NRXN3: variants seen among roughly 807,000 people sequenced by gnomAD.
The protein encoded by NRXN3 is neurexin III.
In NRXN3, 32 loss-of-function variants were observed where a neutral mutation model predicts 137.6. The ratio of observed to expected loss-of-function variants is 0.23; its 90% CI spans 0.18 to 0.31. The LOEUF (loss-of-function observed/expected upper bound fraction) is 0.31, where lower values mean the gene tolerates loss of function less well. Ranked by LOEUF, NRXN3 falls within the 10% of genes least tolerant of loss-of-function variation. The pLI is 1.00. For synonymous variants in NRXN3, 798 were observed against 784.5 expected, an observed-to-expected ratio of 1.02 and a Z score of -0.29; for missense variants, 1,574 against 2,062.5, an observed-to-expected ratio of 0.76 and a Z score of 4.59.
chr14:79,776,312 T>C (rs1038945386), intron 19 of NRXN3, among the ~76,000 whole-genome samples: 3 of 152,216 alleles, frequency 2.0e-5, no homozygotes, highest in African/African-American at 7.2e-5. Context: ...CTGCAGATAG[T>C]ATCTGGCAAG....
chr14:79,070,006 A>T (rs575504769), intron 15 of NRXN3, among the ~76,000 whole-genome samples: 1 of 152,090 alleles, frequency 6.6e-6, no homozygotes, highest in African/African-American at 2.4e-5. Context: ...CTTTCCTTCC[A>T]TCTCTACCTG....
At chr14:78,267,004 A>C (rs967242870) in intron 2 of NRXN3, among the ~76,000 whole-genome samples, 1 of 152,142 alleles carries the variant, frequency 6.6e-6, no homozygotes, top group African/African-American at 2.4e-5. Flanking sequence ...TTGAGCCACT[A>C]TGTTACCCCT....
intron 16 of NRXN3, among the ~76,000 whole-genome samples, chr14:79,531,735 A>G (rs1274936883): frequency 6.6e-6 from 1 of 152,214 alleles, no homozygotes; most frequent in Non-Finnish European, 1.5e-5. Flanking sequence ...CATGATATCC[A>G]GTTTAATACT....
intron 6 of NRXN3, among the ~76,000 whole-genome samples, chr14:78,673,590 A>G: frequency 6.6e-6 from 1 of 152,230 alleles, no homozygotes; most frequent in Non-Finnish European, 1.5e-5. Flanking sequence ...GGCTTAAACA[A>G]CAAACATTTA....
At chr14:79,553,479 T>A (rs2097396469) in intron 16 of NRXN3, among the ~76,000 whole-genome samples, 1 of 152,166 alleles carries the variant, frequency 6.6e-6, no homozygotes, top group Non-Finnish European at 1.5e-5. Flanking sequence ...TACTTATAGC[T>A]ACTTAGTGCA....
chr14:78,301,202 T>C (rs1358470476), intron 4 of NRXN3, among the ~76,000 whole-genome samples: 1 of 152,074 alleles, frequency 6.6e-6, no homozygotes, highest in Non-Finnish European at 1.5e-5. Flanking sequence ...TTGTTTTTCC[T>C]GTATATGTGG....
intron 4 of NRXN3, among the ~76,000 whole-genome samples, chr14:78,441,340 A>G (rs1163341847): frequency 6.6e-6 from 1 of 152,018 alleles, no homozygotes; most frequent in Non-Finnish European, 1.5e-5. Context: ...TTGTTCTTGC[A>G]ATTTCCTTCA....
chr14:78,203,945 T>C (rs906747398), intron 1 of NRXN3, among the ~76,000 whole-genome samples: 4 of 149,218 alleles, frequency 2.7e-5, no homozygotes, highest in Non-Finnish European at 5.9e-5. Context: ...TGTTGTCTGA[T>C]TTTTTTTTCC....
intron 19 of NRXN3, among the ~76,000 whole-genome samples, chr14:79,745,216 C>G (rs912508999): frequency 6.6e-6 from 1 of 152,078 alleles, no homozygotes; most frequent in African/African-American, 2.4e-5. Context: ...CTTCTCTCTG[C>G]CATCCTCAGA....
At chr14:79,144,722 C>T (rs760217961) in intron 15 of NRXN3, among the ~76,000 whole-genome samples, 3 of 152,152 alleles carry the variant, frequency 2.0e-5, no homozygotes, top group Admixed American at 6.5e-5. Context: ...AATGACTTCA[C>T]GTTTATCCTG....
intron 19 of NRXN3, among the ~76,000 whole-genome samples, chr14:79,762,175 G>C (rs145868619): frequency 2.0e-5 from 3 of 151,568 alleles, no homozygotes; most frequent in Admixed American, 1.3e-4. Context: ...AATCAGTCTG[G>C]GTGACTTCAT....
At chr14:79,654,263 T>TCAA (rs1192731376) in intron 16 of NRXN3, among the ~76,000 whole-genome samples, 1 of 151,874 alleles carries the variant, frequency 6.6e-6, no homozygotes, top group African/African-American at 2.4e-5. Context: ...CACTTGTACA[T>TCAA]CAACTATTGA....
At chr14:78,912,027 G>A (rs915632446) in intron 10 of NRXN3, among the ~76,000 whole-genome samples, 11 of 150,792 alleles carry the variant, frequency 7.3e-5, no homozygotes, top group African/African-American at 2.2e-4. Context: ...CCATTAACTC[G>A]TCATTTAGCA....
intron 15 of NRXN3, among the ~76,000 whole-genome samples, chr14:79,296,879 G>A (rs2084257714): frequency 6.6e-6 from 1 of 152,200 alleles, no homozygotes; most frequent in Admixed American, 6.5e-5. Context: ...AGATAAAAAT[G>A]TTTAATGTGG....
At chr14:78,771,858 C>T (rs1443116765) in intron 8 of NRXN3, among the ~76,000 whole-genome samples, 2 of 152,136 alleles carry the variant, frequency 1.3e-5, no homozygotes, top group East Asian at 3.8e-4. Context: ...TATTTTCATT[C>T]TACAGATTGA....
intron 19 of NRXN3, among the ~76,000 whole-genome samples, chr14:79,732,688 G>A (rs1489446302): frequency 6.6e-6 from 1 of 152,106 alleles, no homozygotes; most frequent in Non-Finnish European, 1.5e-5. Flanking sequence ...GCTTGGGTCT[G>A]TTTAAAATAC....
intron 4 of NRXN3, among the ~76,000 whole-genome samples, chr14:78,422,169 G>A (rs959987081): frequency 6.6e-6 from 1 of 152,150 alleles, no homozygotes; most frequent in Non-Finnish European, 1.5e-5. Flanking sequence ...CCTTTCTCCT[G>A]GGGGTCACTT....
intron 16 of NRXN3, among the ~76,000 whole-genome samples, chr14:79,507,574 A>G (rs74675547): frequency 5.6e-4 from 86 of 152,292 alleles, no homozygotes; most frequent in Middle Eastern, 3.4e-3. Context: ...AAAGAGAGAA[A>G]GAAATAGAGA....
At chr14:78,326,751 A>G (rs900934139) in intron 4 of NRXN3, among the ~76,000 whole-genome samples, 1 of 152,092 alleles carries the variant, frequency 6.6e-6, no homozygotes, top group Non-Finnish European at 1.5e-5. Flanking sequence ...GCAGCTACTT[A>G]CTCTGTGCTA....
Sources: allele counts gnomAD v4.1 joint callset (sites outside exome capture counted in the v4.1 genomes callset), GRCh38; gene constraint gnomAD v4.1.1; transcripts MANE v1.5; gene names NCBI Gene and HGNC (gene_info 2026-07-23, HGNC 2026-07-21).